CHRM3: variants seen among roughly 807,000 people sequenced by gnomAD.
The protein encoded by CHRM3 is muscarinic acetylcholine receptor M3.
Under a neutral mutation model 41.8 loss-of-function variants are expected in CHRM3, and 11 were observed. The observed-to-expected ratio is 0.26, with a 90% CI of 0.17 to 0.44. The LOEUF (loss-of-function observed/expected upper bound fraction) is 0.44. Ranked by LOEUF, CHRM3 falls within the 20% of genes least tolerant of loss-of-function variation. The probability of loss-of-function intolerance (pLI) is 1.00; values close to 1 mark genes in which losing one functional copy is unlikely to be tolerated. For synonymous variants in CHRM3, 297 were observed against 301.4 expected, an observed-to-expected ratio of 0.99 and a Z score of 0.15; for missense variants, 571 against 745.4, an observed-to-expected ratio of 0.77 and a Z score of 2.72.
intron 6 of CHRM3, among the ~76,000 whole-genome samples, chr1:239,855,740 G>T (rs1391886236): frequency 1.3e-5 from 2 of 152,132 alleles, no homozygotes; most frequent in Admixed American, 1.3e-4. Context: ...ATAATGAAAA[G>T]TTGGAAGAAT....
intron 1 of CHRM3, among the ~76,000 whole-genome samples, chr1:239,435,956 G>T (rs1663230132): frequency 6.6e-6 from 1 of 152,052 alleles, no homozygotes; most frequent in Admixed American, 6.6e-5. Flanking sequence ...GTTTCTTTGG[G>T]GGCTGTGCTC....
chr1:239,540,222 T>TTA (rs1312230750), intron 2 of CHRM3, among the ~76,000 whole-genome samples: 1 of 152,236 alleles, frequency 6.6e-6, no homozygotes, highest in East Asian at 1.9e-4. Context: ...ATGTGTTGAC[T>TTA]ACTTTATCTT....
intron 1 of CHRM3, among the ~76,000 whole-genome samples, chr1:239,409,822 G>A (rs767597469): frequency 4.0e-4 from 61 of 152,250 alleles, no homozygotes; most frequent in Non-Finnish European, 7.2e-4. Flanking sequence ...GGCGCCTGTA[G>A]TCCCAGCTAC....
At chr1:239,556,118 C>T (rs1660330990) in intron 3 of CHRM3, among the ~76,000 whole-genome samples, 1 of 152,160 alleles carries the variant, frequency 6.6e-6, no homozygotes, top group East Asian at 1.9e-4. Context: ...ATTAACTACG[C>T]ATGTACCTTT....
intron 3 of CHRM3, among the ~76,000 whole-genome samples, chr1:239,571,568 CAG>C (rs1222912890): frequency 6.6e-6 from 1 of 152,166 alleles, no homozygotes; most frequent in African/African-American, 2.4e-5. Flanking sequence ...TGGATCAGGA[CAG>C]AGTCACCACC....
At chr1:239,586,258 T>G (rs570214125) in intron 3 of CHRM3, among the ~76,000 whole-genome samples, 1 of 152,324 alleles carries the variant, frequency 6.6e-6, no homozygotes, top group South Asian at 2.1e-4. Flanking sequence ...TTATTTTTAT[T>G]TTTTATTTAT....
chr1:239,863,251 A>C lies in CHRM3; in HGVS notation c.-20+35873A>C, dbSNP rs1037770486. Among the ~76,000 whole-genome samples the C allele has an allele frequency of 2.8e-4, 43 of 152,348 alleles. 1 individual carries two copies. Among genetic ancestry groups the C allele is most frequent in the African/African-American group, 9.9e-4 (41 of 41,578 alleles). ...TAGGCCTTGCTACCATAAAGGTAGC[A>C]ACCGCCTTCAAAGGATGGGACAATG... On this transcript the variant is annotated intron_variant, in intron 6 of 6. Transcript: ENST00000676153.
At chr1:239,845,448 T>C (rs1201762872) in intron 6 of CHRM3, among the ~76,000 whole-genome samples, 1 of 152,222 alleles carries the variant, frequency 6.6e-6, no homozygotes, top group Non-Finnish European at 1.5e-5. Flanking sequence ...CTAGTCCTGC[T>C]GGGCCTGAAT....
At chr1:239,682,253 A>G (rs1658641590) in intron 5 of CHRM3, among the ~76,000 whole-genome samples, 1 of 152,152 alleles carries the variant, frequency 6.6e-6, no homozygotes, top group Non-Finnish European at 1.5e-5. Flanking sequence ...TCGTGAATAG[A>G]GCTGTAATGA....
At chr1:239,406,542 C>G (rs961991037) in intron 1 of CHRM3, among the ~76,000 whole-genome samples, 12 of 152,174 alleles carry the variant, frequency 7.9e-5, no homozygotes, top group African/African-American at 2.4e-4. Flanking sequence ...ATCGCCATTA[C>G]TGAAGCGAAA....
chr1:239,500,647 A>T (rs1165192762), intron 2 of CHRM3, among the ~76,000 whole-genome samples: 1 of 152,108 alleles, frequency 6.6e-6, no homozygotes, highest in African/African-American at 2.4e-5. Flanking sequence ...AAATCCCGAA[A>T]AAAAAGCATA....
chr1:239,733,182 C>T (rs749803531), intron 5 of CHRM3, among the ~76,000 whole-genome samples: 1 of 151,974 alleles, frequency 6.6e-6, no homozygotes, highest in Non-Finnish European at 1.5e-5. Flanking sequence ...AGCTCTCCAC[C>T]TGTTGGAGTT....
intron 6 of CHRM3, among the ~76,000 whole-genome samples, chr1:239,847,029 G>A (rs1674323181): frequency 6.6e-6 from 1 of 152,190 alleles, no homozygotes. Flanking sequence ...CCATCTCCAT[G>A]TAAGGACCCA....
chr1:239,523,170 A>C (rs1202020184), intron 2 of CHRM3, among the ~76,000 whole-genome samples: 1 of 152,114 alleles, frequency 6.6e-6, no homozygotes, highest in Non-Finnish European at 1.5e-5. Context: ...AATATATGCT[A>C]TATACACATG....
At chr1:239,405,907 G>A (rs1055751198) in intron 1 of CHRM3, among the ~76,000 whole-genome samples, 4 of 151,754 alleles carry the variant, frequency 2.6e-5, no homozygotes, top group Non-Finnish European at 4.4e-5. Flanking sequence ...CTTTTGAGAC[G>A]GAGTATCACT....
intron 5 of CHRM3, among the ~76,000 whole-genome samples, chr1:239,824,005 G>T (rs1207615219): frequency 6.6e-6 from 1 of 151,968 alleles, no homozygotes; most frequent in Non-Finnish European, 1.5e-5. Context: ...AGCCTGCAGG[G>T]TTCCCCGTGT....
At chr1:239,443,438 C>T (rs1471081563) in intron 1 of CHRM3, among the ~76,000 whole-genome samples, 1 of 151,348 alleles carries the variant, frequency 6.6e-6, no homozygotes, top group Admixed American at 6.6e-5. Flanking sequence ...ATGAGAACAT[C>T]AAATCTAGAA....
chr1:239,523,760 T>A (rs890901897), intron 2 of CHRM3, among the ~76,000 whole-genome samples: 1 of 152,306 alleles, frequency 6.6e-6, no homozygotes, highest in South Asian at 2.1e-4. Context: ...AAAGCATAGC[T>A]GACGTGATAA....
chr1:239,838,815 G>C (rs1314378483), intron 6 of CHRM3, among the ~76,000 whole-genome samples: 1 of 152,224 alleles, frequency 6.6e-6, no homozygotes. Context: ...GTAAGGAAGA[G>C]AAAGCTCTTA....
Sources: allele counts gnomAD v4.1 joint callset (sites outside exome capture counted in the v4.1 genomes callset), GRCh38; gene constraint gnomAD v4.1.1; transcripts MANE v1.5; gene names NCBI Gene and HGNC (gene_info 2026-07-23, HGNC 2026-07-21).